TRPM8: variants seen among roughly 807,000 people sequenced by gnomAD.
TRPM8 encodes the protein TRPM8 cationic channel.
A neutral mutation model predicts 133.7 loss-of-function variants in TRPM8; 110 were observed. That is an observed-to-expected ratio of 0.82 (90% confidence interval 0.70 to 0.96). The LOEUF (loss-of-function observed/expected upper bound fraction) is 0.96, where lower values mean the gene tolerates loss of function less well. Ranked by LOEUF, TRPM8 falls within the 40% of genes least tolerant of loss-of-function variation. The pLI, the probability that TRPM8 is intolerant of heterozygous loss-of-function variation, is 0.00. For missense variants in TRPM8, 1,291 were observed against 1,379.5 expected (o/e 0.94, Z 1.02); for synonymous variants, 535 against 532.3 (o/e 1.01, Z -0.07).
intron 1 of TRPM8, among the ~76,000 whole-genome samples, chr2:233,922,571 T>C (rs750710284): frequency 6.6e-6 from 1 of 152,194 alleles, no homozygotes; most frequent in Non-Finnish European, 1.5e-5. Flanking sequence ...TCTCTACTTA[T>C]TATTTATATC....
At chr2:234,016,979 G>A (rs988116856) in intron 25 of TRPM8, among the ~76,000 whole-genome samples, 1 of 152,120 alleles carries the variant, frequency 6.6e-6, no homozygotes, top group African/African-American at 2.4e-5. Flanking sequence ...AAAAATTTAT[G>A]CAGAAACCAC....
chr2:233,979,403 T>C (rs1317712112), intron 17 of TRPM8, among the ~76,000 whole-genome samples: 13 of 152,210 alleles, frequency 8.5e-5, no homozygotes, highest in Admixed American at 7.2e-4. Flanking sequence ...TGGAATTCCA[T>C]GTGCTCTCTG....
At chr2:234,000,681 CT>C (rs11312917) in intron 22 of TRPM8, among the ~76,000 whole-genome samples, 101,741 of 145,444 alleles carry the variant, frequency 0.7, 35,872 homozygotes, top group African/African-American at 0.81. Flanking sequence ...AAGAAACAAC[CT>C]TTTTTTTTTT....
chr2:233,959,325 C>CTT (rs778556639), intron 11 of TRPM8, among the ~76,000 whole-genome samples: 9,958 of 106,170 alleles, frequency 0.094, 1,006 homozygotes, highest in East Asian at 0.24. Context: ...CTCGCCCAGC[C>CTT]TTTTTTTTTT....
In TRPM8 at chr2:234,017,335, C is replaced by T. The variant is rs1346675768; in HGVS notation, c.*79C>T. On this transcript the variant is annotated 3_prime_UTR_variant, in exon 26 of 26. Transcript: ENST00000324695. ...GAATGCTGATGAACAATTTTGCTAT[C>T]GACTACTAAATGAGAGATTTTCAGA... 8.5e-6 allele frequency: 4 copies of T among 471,134 alleles called. No individual in the cohort carries two copies. Among genetic ancestry groups the T allele is most frequent in the African/African-American group, 2.0e-5 (1 of 50,054 alleles). The allele number at this position is 471,134 out of a possible 1,614,324, so 29.2% of individuals were successfully genotyped here.
chr2:233,961,636 T>C (rs1284115080), intron 12 of TRPM8, among the ~76,000 whole-genome samples: 12 of 134,536 alleles, frequency 8.9e-5, no homozygotes, highest in South Asian at 2.9e-4. Context: ...TTTTCTTTTT[T>C]TTTTTTTTTT....
rs757422823 is a variant in TRPM8 at position 233,942,761 on chromosome 2, C to G, written c.699+13C>G. Reference sequence around the variant, plus strand: ...TTGCGATGCTGAGGTACCGGTGGGACAGGAGGAGGTCTGCTAGGTCACATG... The same window carrying G: ...TTGCGATGCTGAGGTACCGGTGGGAGAGGAGGAGGTCTGCTAGGTCACATG... On this transcript the variant is annotated intron_variant, in intron 6 of 25. Coordinates refer to ENST00000324695, the MANE Select transcript of TRPM8 (RefSeq NM_024080.5). 8 of 1,613,620 alleles carry G rather than the reference C, an allele frequency of 5.0e-6. No homozygotes were observed. In the Admixed American group the frequency reaches 1.2e-4, roughly 24 times the overall value.
rs749366311 is a variant in TRPM8 at position 233,970,373 on chromosome 2, G to A, written c.2302G>A (p.Glu768Lys). The change falls in exon 17 of 26, where the codon GAG (glutamate) becomes AAG (lysine). Residue 768 changes from glutamate (E) to lysine (K), a missense_variant. By Grantham distance (56) the Glu-to-Lys change is moderately conservative. Coordinates refer to ENST00000324695, the MANE Select transcript of TRPM8 (RefSeq NM_024080.5). The stretch of plus-strand genomic sequence containing the variant: ...TTTCCATTCGGTGCCACACCCCCCC[G>A]AGCTGGTCCTGTACTCGCTGGTCTT... ...MDFHSVPHPPELVLYSLVFVL... is the reference protein window; with the variant it reads ...MDFHSVPHPPKLVLYSLVFVL... 7.4e-6 allele frequency: 12 copies of A among 1,613,830 alleles called. No homozygotes were observed. The highest frequency in any genetic ancestry group is 2.7e-5 in the African/African-American group (2 of 74,824).
intron 25 of TRPM8, among the ~76,000 whole-genome samples, 190 bp from the exon 26 acceptor site, chr2:234,017,109 A>G (rs953279364): frequency 1.3e-5 from 2 of 152,258 alleles, no homozygotes; most frequent in East Asian, 3.9e-4. Flanking sequence ...ACTGGTCAGA[A>G]TACACATCTT....
intron 19 of TRPM8, among the ~76,000 whole-genome samples, chr2:233,982,774 G>T (rs1317982479): frequency 6.6e-6 from 1 of 152,206 alleles, no homozygotes; most frequent in African/African-American, 2.4e-5. Flanking sequence ...TTGCTCTAGA[G>T]CTGGGCTCCC....
Position 234,005,877 on chromosome 2 carries a change from G to A in TRPM8, c.3131-976G>A, listed in dbSNP as rs528895033. ...AGGGAGGCAGAGGTTGCAGTGAGCCGAGATTGCACCACTGCACTCCAGCCT... is the reference window on the plus strand; with the variant it reads ...AGGGAGGCAGAGGTTGCAGTGAGCCAAGATTGCACCACTGCACTCCAGCCT... On this transcript the variant is annotated intron_variant, in intron 22 of 25. Coordinates refer to ENST00000324695, the MANE Select transcript of TRPM8 (RefSeq NM_024080.5). Among the ~76,000 whole-genome samples, 102 of 150,960 alleles carry A rather than the reference G, an allele frequency of 6.8e-4. 1 individual carries two copies. The highest frequency in any genetic ancestry group is 2.4e-3 in the African/African-American group (100 of 40,986).
At chr2:233,927,841 TTC>T (rs1285306125) in intron 2 of TRPM8, among the ~76,000 whole-genome samples, 8 of 85,906 alleles carry the variant, frequency 9.3e-5, no homozygotes, top group African/African-American at 1.9e-4. Flanking sequence ...CCTTCCTTCC[TTC>T]CTTCCTTCCT....
intron 22 of TRPM8, among the ~76,000 whole-genome samples, chr2:233,999,021 A>AGC (rs1457744380): frequency 1.3e-5 from 2 of 151,066 alleles, no homozygotes; most frequent in African/African-American, 5.0e-5. Context: ...TTCTTGTGAA[A>AGC]AAAATAAAGG....
chr2:233,946,788 A>C (rs546070569), intron 7 of TRPM8, among the ~76,000 whole-genome samples: 1 of 152,376 alleles, frequency 6.6e-6, no homozygotes, highest in East Asian at 1.9e-4. Context: ...ATAAGGATAA[A>C]CTTAAACCTA....
chr2:233,953,380 G>T (rs1012997037), intron 9 of TRPM8, among the ~76,000 whole-genome samples: 2 of 152,194 alleles, frequency 1.3e-5, no homozygotes, highest in Non-Finnish European at 2.9e-5. Context: ...GCCAGTGCTT[G>T]TAACCTTGAA....
Position 233,950,011 on chromosome 2 carries a change from C to T in TRPM8, c.1005C>T (p.Ile335=), listed in dbSNP as rs530123743. 1.6e-5 allele frequency: 26 copies of T among 1,614,150 alleles called. No individual in the cohort carries two copies. The South Asian group carries it at 2.2e-4, about 14-fold the overall frequency. ...PCVVVEGSGQ[I]ADVIASLVEV... ...TGGTGGTGGAAGGCTCGGGCCAGATCGCTGATGTGATCGCTAGCCTGGTGG... is the reference window on the plus strand; with the variant it reads ...TGGTGGTGGAAGGCTCGGGCCAGATTGCTGATGTGATCGCTAGCCTGGTGG... Residue 335 remains isoleucine (I), a synonymous_variant, in exon 9 of 26, where the codon ATC becomes ATT. Coordinates refer to ENST00000324695, the MANE Select transcript of TRPM8 (RefSeq NM_024080.5).
intron 15 of TRPM8, among the ~76,000 whole-genome samples, chr2:233,968,521 T>C (rs1031258311): frequency 6.6e-6 from 1 of 152,110 alleles, no homozygotes; most frequent in African/African-American, 2.4e-5. Context: ...TCCAGGACAC[T>C]AGTCCTCATG....
intron 21 of TRPM8, among the ~76,000 whole-genome samples, chr2:233,987,501 C>T (rs1056044111): frequency 3.3e-5 from 5 of 152,176 alleles, no homozygotes; most frequent in Non-Finnish European, 5.9e-5. Flanking sequence ...AGTGGCCTCC[C>T]CCTGAGCAGG....
At chr2:233,966,558 C>A in intron 14 of TRPM8, 52 bp from the exon 15 acceptor site, 3 of 1,608,416 alleles carry the variant, frequency 1.9e-6, no homozygotes, top group South Asian at 1.1e-5. Flanking sequence ...AGGACAGTTT[C>A]GGTCATGTGC....
Sources: gnomAD v4.1 joint callset for allele counts (sites outside exome capture counted in the v4.1 genomes callset) on GRCh38, gnomAD v4.1.1 for gene constraint, MANE v1.5 for transcripts, NCBI Gene and HGNC (gene_info 2026-07-23, HGNC 2026-07-21) for gene names.